The following POLR3G variants were observed in gnomAD, a reference collection of about 807,000 sequenced individuals.
POLR3G encodes the protein DNA-directed RNA polymerase III subunit RPC7.
A neutral mutation model predicts 30.1 loss-of-function variants in POLR3G; 28 were observed. The observed-to-expected ratio is 0.93, with a 90% CI of 0.69 to 1.27. The LOEUF is 1.27. Ranked by LOEUF, POLR3G falls within the 50% of genes most tolerant of loss-of-function variation. The pLI is 0.00. For missense variants in POLR3G, 254 were observed against 264.6 expected, an observed-to-expected ratio of 0.96 and a Z score of 0.28; for synonymous variants, 79 against 82.5, an observed-to-expected ratio of 0.96 and a Z score of 0.23.
chr5:90,487,001 G>A (rs1751469150), intron 2 of POLR3G, among the ~76,000 whole-genome samples: 1 of 151,614 alleles, frequency 6.6e-6, no homozygotes, highest in African/African-American at 2.4e-5. Context: ...TCTTTACTAG[G>A]TACCCTGGAG....
At chr5:90,510,369 A>G (rs1163064124) in intron 7 of POLR3G, among the ~76,000 whole-genome samples, 1 of 151,904 alleles carries the variant, frequency 6.6e-6, no homozygotes, top group Non-Finnish European at 1.5e-5. Flanking sequence ...CAAGAGTGAG[A>G]CTGCGTCTCA....
At chr5:90,495,825 C>T in intron 4 of POLR3G, 92 bp downstream of exon 4, 1 of 1,425,748 alleles carries the variant, frequency 7.0e-7, no homozygotes, top group East Asian at 2.6e-5. Flanking sequence ...CTATTTTTAC[C>T]ATAGGAAAAC....
chr5:90,491,330 G>A (rs1751715081), intron 3 of POLR3G, among the ~76,000 whole-genome samples: 1 of 152,172 alleles, frequency 6.6e-6, no homozygotes, highest in Non-Finnish European at 1.5e-5. Flanking sequence ...TCAGGTTCCT[G>A]AACCACAGGG....
At chr5:90,502,027 A>G (rs1443838456) in intron 6 of POLR3G, 39 bp downstream of exon 6, 2 of 1,594,440 alleles carry the variant, frequency 1.3e-6, no homozygotes, top group African/African-American at 2.7e-5. Context: ...AACTGAAAAA[A>G]TGTAAAAGAT....
At chr5:90,502,801 C>CTT (rs34374200) in intron 6 of POLR3G, among the ~76,000 whole-genome samples, 48,123 of 141,908 alleles carry the variant, frequency 0.34, 9,434 homozygotes, top group African/African-American at 0.5. Flanking sequence ...TTACCTCATC[C>CTT]TTCTTTTTTT....
intron 1 of POLR3G, among the ~76,000 whole-genome samples, chr5:90,476,602 C>G (rs947495014): frequency 6.6e-6 from 1 of 152,172 alleles, no homozygotes; most frequent in Non-Finnish European, 1.5e-5. Flanking sequence ...GGAGTGATAT[C>G]TCTACCAGGC....
At chr5:90,490,588 T>G in intron 3 of POLR3G, 1 of 389,818 alleles carries the variant, frequency 2.6e-6, no homozygotes, top group South Asian at 1.9e-5. Flanking sequence ...TTTTTTTTTT[T>G]GTAGAGACGG....
intron 6 of POLR3G, 105 bp from the exon 7 acceptor site, chr5:90,506,423 G>C (rs888566901): frequency 7.1e-7 from 1 of 1,407,804 alleles, no homozygotes; most frequent in African/African-American, 1.4e-5. Flanking sequence ...GTGGTGGTAA[G>C]ATGGGAGTAG....
At chr5:90,497,455 T>A (rs1381336818) in intron 4 of POLR3G, among the ~76,000 whole-genome samples, 1 of 152,176 alleles carries the variant, frequency 6.6e-6, no homozygotes, top group African/African-American at 2.4e-5. Flanking sequence ...TGTAATAAAT[T>A]TTCTTTATAG....
rs149253413 is a variant in POLR3G, at chr5:90,482,491, C to G, written c.-43-3034C>G. Among the ~76,000 whole-genome samples the G allele has an allele frequency of 5.8e-3, 887 of 152,368 alleles. 8 individuals carry two copies. Among genetic ancestry groups the G allele is most frequent in the African/African-American group, 0.021 (853 of 41,582 alleles). On this transcript the variant is annotated intron_variant, in intron 1 of 7. Coordinates refer to ENST00000651687, the MANE Select transcript of POLR3G (RefSeq NM_006467.3). ...GGTTTGAAACAAAGACGATAACAGA[C>G]TTTCCCAAAACAAACCTCCTCCTTG...
chr5:90,484,580 A>G (rs1374575784), intron 1 of POLR3G, among the ~76,000 whole-genome samples: 1 of 152,190 alleles, frequency 6.6e-6, no homozygotes, highest in African/African-American at 2.4e-5. Context: ...ACCCTGGTGA[A>G]GAGTAGAGCA....
rs1453869469 is a variant in POLR3G at position 90,513,956 on chromosome 5, T to A, written c.*1817T>A. 6.6e-6 allele frequency: 1 copy of A among 152,222 alleles called. No individual in the cohort carries two copies. The highest frequency in any genetic ancestry group is 1.5e-5 in the Non-Finnish European group (1 of 68,036). 9.4% of individuals were successfully genotyped at this position (152,222 alleles called of 1,614,324 possible). On this transcript the variant is annotated 3_prime_UTR_variant, in exon 8 of 8. Transcript: ENST00000651687. Reference sequence around the variant, plus strand: ...CAATATTGTTCTATTTACCTACTTATAAATCTGCAGATAACCACTTGAACC... The same window carrying A: ...CAATATTGTTCTATTTACCTACTTAAAAATCTGCAGATAACCACTTGAACC...
At chr5:90,497,885 C>G (rs191124513) in intron 5 of POLR3G, among the ~76,000 whole-genome samples, 179 bp downstream of exon 5, 265 of 152,266 alleles carry the variant, frequency 1.7e-3, no homozygotes, top group Non-Finnish European at 3.1e-3. Flanking sequence ...GTGGGAGGAT[C>G]ACTTGAGCCC....
chr5:90,481,612 A>T (rs1197628941), intron 1 of POLR3G, among the ~76,000 whole-genome samples: 1 of 152,178 alleles, frequency 6.6e-6, no homozygotes, highest in Non-Finnish European at 1.5e-5. Context: ...TCTTGTACCT[A>T]AAGTTTAAGA....
chr5:90,505,464 T>A (rs1028506742), intron 6 of POLR3G, among the ~76,000 whole-genome samples: 6 of 152,316 alleles, frequency 3.9e-5, no homozygotes, highest in Admixed American at 1.3e-4. Context: ...TTGGTAGTCA[T>A]AATAGAAATA....
chr5:90,474,038 G>A (rs1332556866), upstream of POLR3G: 1 of 1,590,834 alleles, frequency 6.3e-7, no homozygotes, highest in Admixed American at 1.8e-5. Flanking sequence ...AGTGGTCGAA[G>A]TGCACGTGGG....
At chr5:90,487,670 C>T (rs1230257061) in intron 2 of POLR3G, among the ~76,000 whole-genome samples, 2 of 151,956 alleles carry the variant, frequency 1.3e-5, no homozygotes, top group Non-Finnish European at 2.9e-5. Flanking sequence ...GGATTACAGG[C>T]GTGAGCCACC....
upstream of POLR3G, chr5:90,474,410 G>A (rs1750663823): frequency 4.4e-6 from 4 of 914,370 alleles, no homozygotes; most frequent in African/African-American, 1.7e-5. Flanking sequence ...GGGAGGAGGC[G>A]TAGAGCGAGG....
intron 6 of POLR3G, among the ~76,000 whole-genome samples, chr5:90,505,990 T>C (rs1196409449): frequency 6.6e-6 from 1 of 152,062 alleles, no homozygotes; most frequent in East Asian, 1.9e-4. Context: ...ATCCCAGCAC[T>C]TTGGGAGGCT....
Sources: gnomAD v4.1 joint callset for allele counts (sites outside exome capture counted in the v4.1 genomes callset) on GRCh38, gnomAD v4.1.1 for gene constraint, MANE v1.5 for transcripts, NCBI Gene and HGNC (gene_info 2026-07-23, HGNC 2026-07-21) for gene names.